Variants in SGK1 observed in about 807,000 individuals in gnomAD.
SGK1 encodes serum/glucocorticoid regulated kinase 1, also known as serine/threonine-protein kinase Sgk1.
A neutral mutation model predicts 64.2 loss-of-function variants in SGK1; 26 were observed. That is an observed-to-expected ratio of 0.40 (90% CI 0.30 to 0.56). The LOEUF (loss-of-function observed/expected upper bound fraction) is 0.56. SGK1 is among the 20% of genes least tolerant of loss of function. The probability of loss-of-function intolerance (pLI) is 0.38; values close to 1 mark genes in which losing one functional copy is unlikely to be tolerated. For synonymous variants in SGK1, 265 were observed against 239.7 expected (o/e 1.11, Z -0.98); for missense variants, 519 against 645.6 (o/e 0.80, Z 2.12).
intron 1 of SGK1, among the ~76,000 whole-genome samples, chr6:134,271,260 A>G (rs1305585281): frequency 1.5e-5 from 2 of 130,774 alleles, no homozygotes; most frequent in African/African-American, 2.5e-5. Context: ...CGGAGGTTGC[A>G]GTGAGCCGAG....
At chr6:134,317,280 C>G in intron 1 of SGK1, 112 bp downstream of exon 1, 1 of 772,732 alleles carries the variant, frequency 1.3e-6, no homozygotes. Context: ...ATCAGAAGCA[C>G]GGCTTACATT....
intron 1 of SGK1, among the ~76,000 whole-genome samples, chr6:134,316,629 C>T (rs924167567): frequency 1.3e-5 from 2 of 150,928 alleles, no homozygotes; most frequent in South Asian, 2.1e-4. Context: ...CACCTACAAC[C>T]AATGCAACAT....
intron 2 of SGK1, among the ~76,000 whole-genome samples, chr6:134,243,430 C>T (rs534582477): frequency 6.6e-6 from 1 of 152,196 alleles, no homozygotes; most frequent in African/African-American, 2.4e-5. Flanking sequence ...AGTGCAATGG[C>T]ACGATCTCGG....
At chr6:134,226,046 G>A (rs965891785) in intron 2 of SGK1, among the ~76,000 whole-genome samples, 1 of 152,080 alleles carries the variant, frequency 6.6e-6, no homozygotes, top group Non-Finnish European at 1.5e-5. Flanking sequence ...CGGGGAGGCT[G>A]AGGCTGCAGT....
intron 2 of SGK1, among the ~76,000 whole-genome samples, chr6:134,240,214 C>A (rs1170497710): frequency 6.8e-6 from 1 of 147,176 alleles, no homozygotes; most frequent in Non-Finnish European, 1.5e-5. Flanking sequence ...ATCGCTTGAA[C>A]CTGGGAGGCA....
Position 134,232,400 on chromosome 6 carries a change from A to AAAAAGAAAGAAAG in SGK1, c.286-24982_286-24970dup, listed in dbSNP as rs138023341. On this transcript the variant is annotated intron_variant, in intron 2 of 13. Coordinates refer to ENST00000367858, the MANE Select transcript of SGK1 (RefSeq NM_001143676.3). ...ACTCTGTCTCAAAAAAAGAAAGAAG[A>AAAAAGAAAGAAAG]AAAAGAAAGAAAGAGAAAGAAAGAA... is the stretch of plus-strand genomic sequence containing the variant. Among the ~76,000 whole-genome samples the AAAAAGAAAGAAAG allele has an allele frequency of 2.0e-4, 5 of 25,340 alleles. No individual in the cohort carries two copies. The Admixed American group carries it at 3.0e-3, about 15-fold the overall frequency. 16.6% of individuals were successfully genotyped at this position (25,340 alleles called of 152,430 possible).
chr6:134,222,880 A>T (rs1776112479), intron 2 of SGK1, among the ~76,000 whole-genome samples: 1 of 152,206 alleles, frequency 6.6e-6, no homozygotes, highest in African/African-American at 2.4e-5. Flanking sequence ...TAAAAAATGA[A>T]ATAACAGTGC....
intron 3 of SGK1, among the ~76,000 whole-genome samples, chr6:134,206,358 TATATATATATATATATATATA>T (rs1562250238): frequency 2.8e-3 from 23 of 8,224 alleles, no homozygotes; most frequent in African/African-American, 4.7e-3. Context: ...TATATATATA[TATATATATATATATATATATA>T]TATATTTTTT....
intron 1 of SGK1, among the ~76,000 whole-genome samples, chr6:134,279,120 A>G (rs1777057383): frequency 1.3e-5 from 2 of 152,166 alleles, no homozygotes; most frequent in Admixed American, 1.3e-4. Flanking sequence ...AAGCAGGAAG[A>G]TCACTTAAAC....
chr6:134,273,827 A>G (rs1040590362), intron 1 of SGK1, among the ~76,000 whole-genome samples: 1 of 151,600 alleles, frequency 6.6e-6, no homozygotes, highest in African/African-American at 2.4e-5. Flanking sequence ...TTATTTATTT[A>G]TTTACTTACT....
chr6:134,180,689 A>G (rs1775317279), intron 3 of SGK1, among the ~76,000 whole-genome samples: 1 of 152,084 alleles, frequency 6.6e-6, no homozygotes, highest in African/African-American at 2.4e-5. Flanking sequence ...CCTGGGCAAC[A>G]TAGTGAGACC....
At chr6:134,194,191 ATG>A (rs1467818335) in intron 3 of SGK1, among the ~76,000 whole-genome samples, 2 of 151,886 alleles carry the variant, frequency 1.3e-5, no homozygotes, top group Non-Finnish European at 2.9e-5. Context: ...TTTCTCATCA[ATG>A]TTATAACGAC....
chr6:134,187,919 G>C (rs1375306290), intron 3 of SGK1, among the ~76,000 whole-genome samples: 1 of 152,210 alleles, frequency 6.6e-6, no homozygotes, highest in African/African-American at 2.4e-5. Flanking sequence ...ATCACCCCGA[G>C]GAAAGGTGCC....
intron 3 of SGK1, among the ~76,000 whole-genome samples, chr6:134,179,494 CTTTTT>C (rs5880206): frequency 1.6e-5 from 2 of 128,308 alleles, no homozygotes; most frequent in Non-Finnish European, 3.3e-5. Context: ...AAAGGCATGT[CTTTTT>C]TTTTTTTTTT....
At chr6:134,314,976 T>C (rs1445526244) in intron 1 of SGK1, among the ~76,000 whole-genome samples, 1 of 152,164 alleles carries the variant, frequency 6.6e-6, no homozygotes, top group African/African-American at 2.4e-5. Flanking sequence ...AGTATATGAA[T>C]GTGTATGTGA....
At chr6:134,221,762 C>G (rs1032213261) in intron 2 of SGK1, among the ~76,000 whole-genome samples, 11 of 151,860 alleles carry the variant, frequency 7.2e-5, no homozygotes, top group African/African-American at 2.7e-4. Flanking sequence ...AAGCAATTCT[C>G]GTACCTCAGC....
chr6:134,204,908 T>C (rs1003205610), intron 3 of SGK1, among the ~76,000 whole-genome samples: 3 of 151,878 alleles, frequency 2.0e-5, no homozygotes, highest in Non-Finnish European at 4.4e-5. Flanking sequence ...TTTCTTTTTC[T>C]TTCTTTCTTT....
At chr6:134,227,460 T>C (rs1057003588) in intron 2 of SGK1, among the ~76,000 whole-genome samples, 1 of 152,144 alleles carries the variant, frequency 6.6e-6, no homozygotes, top group Non-Finnish European at 1.5e-5. Context: ...TTCTAAACTA[T>C]CTGGAGCTAT....
At chr6:134,308,743 G>C (rs1777570213) in intron 1 of SGK1, among the ~76,000 whole-genome samples, 1 of 152,114 alleles carries the variant, frequency 6.6e-6, no homozygotes, top group African/African-American at 2.4e-5. Context: ...TTTTAGTAGA[G>C]ACAAGATTTC....
Sources: allele counts gnomAD v4.1 joint callset (sites outside exome capture counted in the v4.1 genomes callset), GRCh38; gene constraint gnomAD v4.1.1; transcripts MANE v1.5; gene names NCBI Gene and HGNC (gene_info 2026-07-23, HGNC 2026-07-21).